The following TMC1 variants were observed in gnomAD, a reference collection of about 807,000 sequenced individuals.
The protein encoded by TMC1 is transmembrane channel like 1.
In TMC1, 84 loss-of-function variants were observed where a neutral mutation model predicts 105.8. The observed-to-expected ratio is 0.79, with a 90% CI of 0.67 to 0.95. The LOEUF (loss-of-function observed/expected upper bound fraction) is 0.95, where lower values mean the gene tolerates loss of function less well. TMC1 is among the 40% of genes least tolerant of loss of function. The pLI, the probability that TMC1 is intolerant of heterozygous loss-of-function variation, is 0.00. For missense variants in TMC1, 817 were observed against 914.1 expected, an observed-to-expected ratio of 0.89 and a Z score of 1.37; for synonymous variants, 315 against 311.5, an observed-to-expected ratio of 1.01 and a Z score of -0.12.
At chr9:72,770,133 A>G (rs79847676) in intron 12 of TMC1, among the ~76,000 whole-genome samples, 13,758 of 151,974 alleles carry the variant, frequency 0.091, 793 homozygotes, top group Non-Finnish European at 0.14. Flanking sequence ...TCCATGTCTT[A>G]TCTTAGACAT....
At chr9:72,780,165 T>C (rs1320987692) in intron 13 of TMC1, among the ~76,000 whole-genome samples, 2 of 152,116 alleles carry the variant, frequency 1.3e-5, no homozygotes, top group Non-Finnish European at 2.9e-5. Flanking sequence ...CTAACTAAGC[T>C]TCATAAGCAA....
chr9:72,803,168 C>G (rs191446075), intron 17 of TMC1, among the ~76,000 whole-genome samples: 1 of 152,268 alleles, frequency 6.6e-6, no homozygotes, highest in African/African-American at 2.4e-5. Context: ...GCTAAGAAAA[C>G]TGGCTAGCCT....
At chr9:72,660,139 G>T (rs1014976367) in intron 5 of TMC1, among the ~76,000 whole-genome samples, 1 of 152,044 alleles carries the variant, frequency 6.6e-6, no homozygotes, top group East Asian at 1.9e-4. Context: ...ACTGAATATG[G>T]ATCCCTCATT....
At chr9:72,684,614 C>T (rs1303274140) in intron 5 of TMC1, among the ~76,000 whole-genome samples, 1 of 152,140 alleles carries the variant, frequency 6.6e-6, no homozygotes, top group Non-Finnish European at 1.5e-5. Flanking sequence ...TTCATATTTC[C>T]AGTCCAGACC....
At chr9:72,673,557 T>A (rs1826156720) in intron 5 of TMC1, among the ~76,000 whole-genome samples, 1 of 152,050 alleles carries the variant, frequency 6.6e-6, no homozygotes, top group Non-Finnish European at 1.5e-5. Context: ...CATTTATTCA[T>A]CTAATACAGA....
intron 1 of TMC1, among the ~76,000 whole-genome samples, chr9:72,525,361 C>T (rs1204258604): frequency 6.6e-6 from 1 of 152,164 alleles, no homozygotes; most frequent in Admixed American, 6.5e-5. Context: ...CCACAGCACG[C>T]TTCATTGGCT....
At position 72,725,347 on chromosome 9, in the gene TMC1, A is replaced by ATATAT. The variant is rs1332926846; in HGVS notation, c.363-14771_363-14767dup. 3.1e-5 allele frequency among the ~76,000 whole-genome samples: 3 copies of ATATAT among 97,158 alleles called. No individual in the cohort carries two copies. The Admixed American group carries it at 3.4e-4, about 11-fold the overall frequency. 63.7% of individuals were successfully genotyped at this position (97,158 alleles called of 152,430 possible). A position where few individuals can be genotyped will look rare whatever the true frequency, so the allele number is the denominator to read the frequency against. ...TATGTATATATATATATATATATATATATATATATATATATATATATGTAT... is the reference window on the plus strand; with the variant it reads ...TATGTATATATATATATATATATATATATATTATATATATATATATATATATGTAT... On this transcript the variant is annotated intron_variant, in intron 8 of 23. Transcript: ENST00000297784.
At chr9:72,742,582 G>A (rs1827409036) in intron 10 of TMC1, 57 bp downstream of exon 10, 2 of 1,391,300 alleles carry the variant, frequency 1.4e-6, no homozygotes, top group African/African-American at 2.8e-5. Flanking sequence ...TATCTCATAA[G>A]CTTATCAGAT....
rs1418061570 is a variant in TMC1, at chr9:72,836,013, G to A, written c.*40G>A. ...GCCCAGAAAAGGTACACTTTGCCTT[G>A]CTGTTTAAAAGTAATGCAATATGTG... is the stretch of plus-strand genomic sequence containing the variant. On this transcript the variant is annotated 3_prime_UTR_variant, in exon 24 of 24. Coordinates refer to ENST00000297784, the MANE Select transcript of TMC1 (RefSeq NM_138691.3). The A allele has an allele frequency of 1.3e-6, 2 of 1,544,386 alleles. No individual in the cohort carries two copies. Among genetic ancestry groups the A allele is most frequent in the Non-Finnish European group, 1.8e-6 (2 of 1,140,156 alleles).
At chr9:72,608,372 C>T (rs1350969858) in intron 2 of TMC1, among the ~76,000 whole-genome samples, 1 of 152,160 alleles carries the variant, frequency 6.6e-6, no homozygotes, top group Non-Finnish European at 1.5e-5. Flanking sequence ...ATTCAAATTC[C>T]ATTCTACTAT....
intron 1 of TMC1, among the ~76,000 whole-genome samples, chr9:72,538,954 T>C (rs1353665177): frequency 1.3e-5 from 2 of 152,172 alleles, no homozygotes; most frequent in Non-Finnish European, 2.9e-5. Context: ...CATCTTGCTA[T>C]GGCATGAGCT....
At chr9:72,752,163 A>G (rs1369746770) in intron 11 of TMC1, among the ~76,000 whole-genome samples, 1 of 152,200 alleles carries the variant, frequency 6.6e-6, no homozygotes. Context: ...TCTTGAAATT[A>G]TATAACTTAT....
At chr9:72,635,013 T>C (rs914961992) in intron 4 of TMC1, among the ~76,000 whole-genome samples, 6 of 152,004 alleles carry the variant, frequency 3.9e-5, no homozygotes, top group East Asian at 1.9e-4. Context: ...TCCCCGCACA[T>C]TGGGAGGCTG....
intron 1 of TMC1, among the ~76,000 whole-genome samples, chr9:72,577,534 T>C (rs1208730835): frequency 1.3e-5 from 2 of 151,528 alleles, no homozygotes; most frequent in African/African-American, 4.9e-5. Flanking sequence ...AATGCTGAGT[T>C]TCTGTAGCAG....
intron 12 of TMC1, among the ~76,000 whole-genome samples, chr9:72,767,283 C>G (rs975428258): frequency 3.9e-5 from 6 of 152,186 alleles, no homozygotes; most frequent in African/African-American, 1.4e-4. Flanking sequence ...AAATAATGGT[C>G]TGGCAGCTAT....
At chr9:72,536,653 C>T (rs548551328) in intron 1 of TMC1, among the ~76,000 whole-genome samples, 4 of 152,194 alleles carry the variant, frequency 2.6e-5, no homozygotes, top group African/African-American at 9.6e-5. Context: ...CTTAAAACTC[C>T]AAAATAATTT....
At chr9:72,778,308 A>G (rs1446539338) in intron 13 of TMC1, among the ~76,000 whole-genome samples, 1 of 152,156 alleles carries the variant, frequency 6.6e-6, no homozygotes, top group African/African-American at 2.4e-5. Flanking sequence ...AGGCATTGAG[A>G]GTGGATGGAG....
At chr9:72,764,453 A>G (rs1028058874) in intron 12 of TMC1, among the ~76,000 whole-genome samples, 13 of 152,210 alleles carry the variant, frequency 8.5e-5, no homozygotes, top group Admixed American at 5.2e-4. Flanking sequence ...ATTATACATA[A>G]AAGCTCATTT....
chr9:72,769,311 T>C (rs1432460120), intron 12 of TMC1, among the ~76,000 whole-genome samples: 1 of 152,218 alleles, frequency 6.6e-6, no homozygotes, highest in Non-Finnish European at 1.5e-5. Context: ...GATTGTGAGC[T>C]CACCGGAAAT....
Sources: gnomAD v4.1 joint callset for allele counts (sites outside exome capture counted in the v4.1 genomes callset) on GRCh38, gnomAD v4.1.1 for gene constraint, MANE v1.5 for transcripts, NCBI Gene and HGNC (gene_info 2026-07-23, HGNC 2026-07-21) for gene names.